The following RBMS2 variants were observed in gnomAD, a reference collection of about 807,000 sequenced individuals.
RBMS2 encodes the protein RNA binding motif single stranded interacting protein 2.
A neutral mutation model predicts 58.4 loss-of-function variants in RBMS2; 38 were observed. The ratio of observed to expected loss-of-function variants is 0.65; its 90% CI spans 0.50 to 0.85. The LOEUF (loss-of-function observed/expected upper bound fraction) is 0.85. Ranked by LOEUF, RBMS2 falls within the 40% of genes least tolerant of loss-of-function variation. The probability of loss-of-function intolerance (pLI) is 0.00; values close to 1 mark genes in which losing one functional copy is unlikely to be tolerated. For synonymous variants in RBMS2, 151 were observed against 180.7 expected (o/e 0.84, Z 1.32); for missense variants, 367 against 503.7 (o/e 0.73, Z 2.60).
Position 56,581,259 on chromosome 12 carries a change from A to G in RBMS2, c.618A>G (p.Val206=). The change falls in exon 6 of 14, where the codon GTA becomes GTG. Residue 206 remains valine, a synonymous_variant. Coordinates refer to ENST00000262031, the MANE Select transcript of RBMS2 (RefSeq NM_002898.4). ...AATATATTAAGACACCCCCTGGAGT[A>G]CCAGGTGAGGCATCTGGGGCTCAGG... The part of the protein sequence containing the change: ...NGKYIKTPPG[V]PAPSDPLLCK... The G allele has an allele frequency of 6.2e-7, 1 of 1,601,220 alleles. No individual in the cohort carries two copies. Among genetic ancestry groups the G allele is most frequent in the Non-Finnish European group, 8.6e-7 (1 of 1,168,226 alleles).
At position 56,574,051 on chromosome 12, in the gene RBMS2, G is replaced by A. The variant is rs150864087; in HGVS notation, c.542+2196G>A. Among the ~76,000 whole-genome samples the A allele has an allele frequency of 7.9e-3, 1,196 of 152,180 alleles. 16 individuals carry two copies. Among genetic ancestry groups the A allele is most frequent in the African/African-American group, 0.028 (1,147 of 41,520 alleles). On this transcript the variant is annotated intron_variant, in intron 5 of 13. Coordinates refer to ENST00000262031, the MANE Select transcript of RBMS2 (RefSeq NM_002898.4). The stretch of plus-strand genomic sequence containing the variant: ...AGATGTGGTTTCACCAGGTTGTCCA[G>A]GCTGTTCTCGAACTCCTGACCTCAG...
At chr12:56,529,946 G>A (rs1334173743) in intron 1 of RBMS2, among the ~76,000 whole-genome samples, 2 of 152,202 alleles carry the variant, frequency 1.3e-5, no homozygotes, top group African/African-American at 4.8e-5. Flanking sequence ...GTCTCACTCT[G>A]TTGCCCAGGC....
chr12:56,568,974 G>C lies in RBMS2; in HGVS notation c.234-1G>C. The C allele has an allele frequency of 6.2e-7, 1 of 1,609,784 alleles. No homozygotes were observed. The highest frequency in any genetic ancestry group is 8.5e-7 in the Non-Finnish European group (1 of 1,176,114). ...TTACTTTGCATTTTCCTCTCCCTTA[G>C]ATATGGCAAGATTGTTTCCACTAAG... On this transcript the variant is annotated splice_acceptor_variant, in intron 2 of 13. Coordinates refer to ENST00000262031, the MANE Select transcript of RBMS2 (RefSeq NM_002898.4). LOFTEE classifies it high-confidence loss of function.
intron 12 of RBMS2, 120 bp downstream of exon 12, chr12:56,588,494 GT>G (rs1446617948): frequency 1.0e-6 from 1 of 953,270 alleles, no homozygotes; most frequent in Admixed American, 2.0e-5. Flanking sequence ...TAGCTGGTAG[GT>G]ATACGAAGAA....
intron 1 of RBMS2, among the ~76,000 whole-genome samples, chr12:56,560,176 T>A (rs1880129242): frequency 6.6e-6 from 1 of 151,794 alleles, no homozygotes; most frequent in Non-Finnish European, 1.5e-5. Context: ...ATTACAGGTG[T>A]GAGCCACCGT....
chr12:56,545,147 A>G (rs1025723159), intron 1 of RBMS2, among the ~76,000 whole-genome samples: 1 of 152,116 alleles, frequency 6.6e-6, no homozygotes, highest in Non-Finnish European at 1.5e-5. Context: ...TCTCATTTAT[A>G]AGTGAGAACA....
chr12:56,575,763 G>T (rs1040245273), intron 5 of RBMS2, among the ~76,000 whole-genome samples: 1 of 151,796 alleles, frequency 6.6e-6, no homozygotes, highest in Non-Finnish European at 1.5e-5. Context: ...GCATGGTGGC[G>T]CATGCCTGTA....
intron 1 of RBMS2, among the ~76,000 whole-genome samples, chr12:56,546,411 T>G (rs1877241977): frequency 6.8e-6 from 1 of 147,466 alleles, no homozygotes; most frequent in Non-Finnish European, 1.5e-5. Context: ...TATTGTACAT[T>G]ATAATGTAAA....
At chr12:56,540,298 T>G (rs952741537) in intron 1 of RBMS2, among the ~76,000 whole-genome samples, 2 of 152,180 alleles carry the variant, frequency 1.3e-5, no homozygotes, top group Non-Finnish European at 2.9e-5. Context: ...CTTTTATGTT[T>G]CAGGCAGCAT....
intron 1 of RBMS2, among the ~76,000 whole-genome samples, chr12:56,551,301 G>A (rs1878236089): frequency 6.6e-6 from 1 of 152,068 alleles, no homozygotes; most frequent in South Asian, 2.1e-4. Flanking sequence ...TGAATTAGTG[G>A]TATTTAGAAG....
intron 2 of RBMS2, among the ~76,000 whole-genome samples, chr12:56,567,716 T>C (rs977008828): frequency 6.6e-6 from 1 of 150,780 alleles, no homozygotes; most frequent in Non-Finnish European, 1.5e-5. Context: ...TACACACCTT[T>C]GGTCCTCAGG....
intron 1 of RBMS2, among the ~76,000 whole-genome samples, chr12:56,526,647 C>T (rs1468082353): frequency 7.3e-6 from 1 of 136,978 alleles, no homozygotes; most frequent in African/African-American, 2.7e-5. Context: ...AGTTTTAATG[C>T]CCTTCAGTAA....
chr12:56,588,968 G>A lies in RBMS2; in HGVS notation c.1180G>A (p.Ala394Thr), dbSNP rs1050943172. The A allele has an allele frequency of 3.7e-6, 6 of 1,614,058 alleles. No homozygotes were observed. The highest frequency in any genetic ancestry group is 1.3e-5 in the African/African-American group (1 of 74,912). ...SGQQNQVAVD[A>T]PSEHGVYSFQ... Reference sequence around the variant, plus strand: ...CCAACAGAACCAAGTGGCAGTGGACGCACCCTCAGAGCATGGGGTCTATTC... The same window carrying A: ...CCAACAGAACCAAGTGGCAGTGGACACACCCTCAGAGCATGGGGTCTATTC... Residue 394 changes from alanine (A) to threonine (T), a missense_variant, in exon 13 of 14, where the codon GCA becomes ACA. Coordinates refer to ENST00000262031, the MANE Select transcript of RBMS2 (RefSeq NM_002898.4).
rs150251880 is a variant in RBMS2 at position 56,546,812 on chromosome 12, G to A, written c.67-15605G>A. ...AATTCTCTTAGGTGTATACCTAGCA[G>A]TGGAGTTGCTAGGTCACATGGTAAC... On this transcript the variant is annotated intron_variant, in intron 1 of 13. Coordinates refer to ENST00000262031, the MANE Select transcript of RBMS2 (RefSeq NM_002898.4). 9.9e-3 allele frequency among the ~76,000 whole-genome samples: 1,505 copies of A among 152,240 alleles called. 28 individuals carry two copies. The highest frequency in any genetic ancestry group is 0.034 in the African/African-American group (1,413 of 41,554).
At chr12:56,550,056 T>C (rs17540509) in intron 1 of RBMS2, among the ~76,000 whole-genome samples, 50,685 of 152,072 alleles carry the variant, frequency 0.33, 8,631 homozygotes, top group South Asian at 0.52. Flanking sequence ...GAGCCAGATG[T>C]TTTCCTTAAT....
chr12:56,581,060 T>C (rs942559885), intron 5 of RBMS2, 124 bp from the exon 6 acceptor site: 76 of 819,132 alleles, frequency 9.3e-5, no homozygotes, highest in Admixed American at 2.8e-4. Context: ...CACTCTGTGT[T>C]TCTGTAGTCA....
chr12:56,522,883 T>C (rs1871987464), intron 1 of RBMS2, among the ~76,000 whole-genome samples: 1 of 152,220 alleles, frequency 6.6e-6, no homozygotes, highest in Non-Finnish European at 1.5e-5. Context: ...CACAGCATAC[T>C]GATTAGGAGG....
At position 56,594,207 on chromosome 12, in the gene RBMS2, T is replaced by C. The variant is rs145701226; in HGVS notation, c.*5074T>C. Reference sequence around the variant, plus strand: ...CATATGATGCTGTGAGAGGCCTTGCTGGAATGTCCTAGGAATCCCTAGTAG... The same window carrying C: ...CATATGATGCTGTGAGAGGCCTTGCCGGAATGTCCTAGGAATCCCTAGTAG... On this transcript the variant is annotated 3_prime_UTR_variant, in exon 14 of 14. Coordinates refer to ENST00000262031, the MANE Select transcript of RBMS2 (RefSeq NM_002898.4). 2,212 of 152,376 alleles carry C rather than the reference T, an allele frequency of 0.015. 18 individuals carry two copies. Among genetic ancestry groups the C allele is most frequent in the Middle Eastern group, 0.031 (9 of 294 alleles). The allele number at this position is 152,376 out of a possible 1,614,324, so 9.4% of individuals were successfully genotyped here.
chr12:56,532,167 C>T (rs953048994), intron 1 of RBMS2, among the ~76,000 whole-genome samples: 5 of 150,830 alleles, frequency 3.3e-5, no homozygotes, highest in Non-Finnish European at 7.4e-5. Context: ...TGCAGTGAGC[C>T]AAGATCGTGC....
Sources: gnomAD v4.1 joint callset for allele counts (sites outside exome capture counted in the v4.1 genomes callset) on GRCh38, gnomAD v4.1.1 for gene constraint, MANE v1.5 for transcripts, NCBI Gene and HGNC (gene_info 2026-07-23, HGNC 2026-07-21) for gene names.